The following USP34 variants were observed in gnomAD, a reference collection of about 807,000 sequenced individuals.
USP34 encodes the protein ubiquitin carboxyl-terminal hydrolase 34.
Under a neutral mutation model 460.3 loss-of-function variants are expected in USP34, and 70 were observed. The observed-to-expected ratio is 0.15, with a 90% CI of 0.13 to 0.19. The LOEUF (loss-of-function observed/expected upper bound fraction) is 0.19, where lower values mean the gene tolerates loss of function less well. Among genes scored for constraint, USP34 ranks in the 10% least tolerant of loss-of-function variants. USP34 has a pLI of 1.00. For missense variants in USP34, 3,985 were observed against 4,236.2 expected (o/e 0.94, Z 1.65); for synonymous variants, 1,647 against 1,405.3 (o/e 1.17, Z -3.85).
chr2:61,320,431 G>C (rs1205553111), intron 21 of USP34, among the ~76,000 whole-genome samples: 6 of 152,198 alleles, frequency 3.9e-5, no homozygotes, highest in Non-Finnish European at 5.9e-5. Flanking sequence ...GGTACCCAGA[G>C]AAAACCCATG....
chr2:61,201,675 T>C (rs990723972), intron 75 of USP34, among the ~76,000 whole-genome samples: 1 of 152,198 alleles, frequency 6.6e-6, no homozygotes, highest in Non-Finnish European at 1.5e-5. Flanking sequence ...TTCTCCACCA[T>C]GTTTAATTCC....
chr2:61,370,770 C>A (rs1692598098), intron 8 of USP34, among the ~76,000 whole-genome samples, 191 bp from the exon 9 acceptor site: 1 of 152,060 alleles, frequency 6.6e-6, no homozygotes, highest in African/African-American at 2.4e-5. Context: ...AATTCAAATT[C>A]CCTGAGTTTA....
At chr2:61,298,753 G>A (rs1447285056) in intron 29 of USP34, among the ~76,000 whole-genome samples, 1 of 150,544 alleles carries the variant, frequency 6.6e-6, no homozygotes, top group African/African-American at 2.5e-5. Flanking sequence ...TCATTTTGCT[G>A]CTTAAAACCA....
At position 61,375,768 on chromosome 2, in the gene USP34, C is replaced by CAAAAAAAAAAAAA. The variant is rs56304309; in HGVS notation, c.1076+2582_1076+2594dup. 3.6e-3 allele frequency among the ~76,000 whole-genome samples: 292 copies of CAAAAAAAAAAAAA among 80,778 alleles called. 3 individuals are homozygous for CAAAAAAAAAAAAA. The highest frequency in any genetic ancestry group is 9.1e-3 in the East Asian group (22 of 2,408). The allele number at this position is 80,778 out of a possible 152,430, so 53.0% of individuals were successfully genotyped here. On this transcript the variant is annotated intron_variant, in intron 8 of 79. Transcript: ENST00000398571. Reference sequence around the variant, plus strand: ...TGGGTGACAGACCAAGACTCTGTCTCAAAAAAAAAAAAAAAAAAAAAAAAA... The same window carrying CAAAAAAAAAAAAA: ...TGGGTGACAGACCAAGACTCTGTCTCAAAAAAAAAAAAAAAAAAAAAAAAAAAAAAAAAAAAAA...
rs200816142 is a variant in USP34 at position 61,350,274 on chromosome 2, A to C, written c.1493T>G (p.Ile498Ser). Residue 498 changes from isoleucine to serine, a missense_variant, in exon 12 of 80, where the codon ATT becomes AGT. Physicochemically the swap from Ile to Ser is moderately radical, Grantham distance 142. Around this residue, in one of 14 missense-constraint regions of USP34, gnomAD observed 716 missense variants for 626.2 expected, o/e 1.14. Transcript: ENST00000398571. ...FASLLNTNIP[I>S]GNKKEEEELR... ...ACATTACTAACCTTTCTTATTTCCAATGGGAATATTAGTATTTAATAAAGA... is the reference window on the plus strand; with the variant it reads ...ACATTACTAACCTTTCTTATTTCCACTGGGAATATTAGTATTTAATAAAGA... The C allele has an allele frequency of 6.2e-7, 1 of 1,603,254 alleles. No individual in the cohort carries two copies.
At chr2:61,316,614 G>A (rs1189141563) in intron 23 of USP34, among the ~76,000 whole-genome samples, 1 of 150,420 alleles carries the variant, frequency 6.6e-6, no homozygotes, top group Non-Finnish European at 1.5e-5. Flanking sequence ...GCCTGGTGCA[G>A]TGGCTCATGC....
At chr2:61,319,548 AAAAAG>A (rs1690850410) in intron 21 of USP34, among the ~76,000 whole-genome samples, 1 of 152,096 alleles carries the variant, frequency 6.6e-6, no homozygotes, top group Non-Finnish European at 1.5e-5. Context: ...TAAAAAAAAA[AAAAAG>A]AATCACAGCA....
intron 53 of USP34, among the ~76,000 whole-genome samples, chr2:61,237,536 T>A (rs575911830): frequency 1.3e-5 from 2 of 151,098 alleles, no homozygotes; most frequent in South Asian, 4.2e-4. Flanking sequence ...TATGTATGTG[T>A]ATAGCTATTT....
intron 5 of USP34, among the ~76,000 whole-genome samples, chr2:61,383,706 C>A (rs1043450559): frequency 6.6e-6 from 1 of 152,004 alleles, no homozygotes; most frequent in African/African-American, 2.4e-5. Context: ...GGCAACGGAG[C>A]GAGACTCCGT....
chr2:61,291,812 C>T (rs1339386206), intron 33 of USP34, among the ~76,000 whole-genome samples: 2 of 152,116 alleles, frequency 1.3e-5, no homozygotes, highest in African/African-American at 4.8e-5. Context: ...CAAATGCTCA[C>T]AACAGTCACA....
chr2:61,470,354 C>T (rs1397166679), intron 1 of USP34, among the ~76,000 whole-genome samples: 1 of 152,168 alleles, frequency 6.6e-6, no homozygotes, highest in African/African-American at 2.4e-5. Flanking sequence ...GGGTTCATTA[C>T]TGCCTTCATT....
At chr2:61,190,185 T>G (rs1486775626) in intron 78 of USP34, 86 bp downstream of exon 78, 10 of 1,495,630 alleles carry the variant, frequency 6.7e-6, no homozygotes, top group Non-Finnish European at 8.9e-6. Context: ...TAAGTTAAAG[T>G]TACGAGAGTA....
intron 67 of USP34, among the ~76,000 whole-genome samples, chr2:61,218,686 C>T (rs2103803013): frequency 6.6e-6 from 1 of 152,014 alleles, no homozygotes; most frequent in African/African-American, 2.4e-5. Flanking sequence ...TTCTAATGAC[C>T]TTTACAGTTT....
chr2:61,406,407 A>G (rs1316644367), intron 2 of USP34, among the ~76,000 whole-genome samples: 1 of 152,134 alleles, frequency 6.6e-6, no homozygotes, highest in East Asian at 1.9e-4. Context: ...AAAAACAAGA[A>G]TTGTGACATT....
chr2:61,342,044 T>G (rs1233185347), intron 16 of USP34, among the ~76,000 whole-genome samples: 1 of 152,108 alleles, frequency 6.6e-6, no homozygotes, highest in Non-Finnish European at 1.5e-5. Context: ...ATTACAGATG[T>G]GAGCCACCGC....
At position 61,190,277 on chromosome 2, in the gene USP34, T is replaced by G; in HGVS notation, c.9867A>C (p.Leu3289Phe). 6.2e-7 allele frequency: 1 copy of G among 1,612,208 alleles called. No homozygotes were observed. Among genetic ancestry groups the G allele is most frequent in the Non-Finnish European group, 8.5e-7 (1 of 1,179,486 alleles). Residue 3289 changes from leucine to phenylalanine, a missense_variant, in exon 78 of 80, where the codon TTA becomes TTC. Leu to Phe is a conservative substitution (Grantham distance 22). This residue lies in a region of USP34 where 506 missense variants were observed against 439.0 expected (regional missense o/e 1.15). Coordinates refer to ENST00000398571, the MANE Select transcript of USP34 (RefSeq NM_014709.4). ...RVEISKASAS[L>F]NGDLRALALL... is the part of the protein sequence containing the mutation. ...GCCTCTGCATAGTTCTTACCCCATT[T>G]AAAGAAGCACTTGCTTTGGAAATTT...
chr2:61,252,894 A>G (rs1025018173), intron 48 of USP34, among the ~76,000 whole-genome samples: 5 of 152,210 alleles, frequency 3.3e-5, no homozygotes, highest in African/African-American at 4.8e-5. Flanking sequence ...AACTAAGATG[A>G]CAAAACAAAA....
intron 1 of USP34, among the ~76,000 whole-genome samples, chr2:61,429,271 C>A (rs1464622088): frequency 1.3e-5 from 2 of 151,914 alleles, no homozygotes; most frequent in Non-Finnish European, 2.9e-5. Flanking sequence ...CAAGGTGAAA[C>A]CCCGTCTCTA....
chr2:61,346,168 CTG>C (rs1483116150), intron 15 of USP34: 1 of 151,718 alleles, frequency 6.6e-6, no homozygotes, highest in Non-Finnish European at 1.5e-5. Context: ...AAATCTAATC[CTG>C]TGTTATCCAA....
Sources: allele counts gnomAD v4.1 joint callset (sites outside exome capture counted in the v4.1 genomes callset), GRCh38; gene constraint gnomAD v4.1.1; regional missense constraint gnomAD v4.1.1; transcripts MANE v1.5; gene names NCBI Gene and HGNC (gene_info 2026-07-23, HGNC 2026-07-21).